RGS6: variants seen among roughly 807,000 people sequenced by gnomAD.
RGS6 encodes regulator of G-protein signaling 6.
RGS6 carries 30 observed loss-of-function variants against 78.5 expected under a neutral mutation model. The ratio of observed to expected loss-of-function variants is 0.38; its 90% CI spans 0.29 to 0.52. The LOEUF (loss-of-function observed/expected upper bound fraction) is 0.52. RGS6 is among the 20% of genes least tolerant of loss of function. The pLI is 0.85. For missense variants in RGS6, 495 were observed against 609.7 expected (o/e 0.81, Z 1.98); for synonymous variants, 206 against 206.0 (o/e 1.00, Z 0.00).
At chr14:72,033,305 C>G (rs968131430) in intron 2 of RGS6, among the ~76,000 whole-genome samples, 1 of 152,180 alleles carries the variant, frequency 6.6e-6, no homozygotes, top group African/African-American at 2.4e-5. Flanking sequence ...GTGATCACAG[C>G]TTGCTGCAGC....
chr14:72,595,230 C>A, the RGS6 span: 1 of 152,092 alleles, frequency 6.6e-6, no homozygotes, highest in Non-Finnish European at 1.5e-5. Flanking sequence ...ATCCCTAGCC[C>A]GATTTTGCTG....
chr14:72,193,448 C>T (rs908047308), intron 2 of RGS6, among the ~76,000 whole-genome samples: 1 of 152,164 alleles, frequency 6.6e-6, no homozygotes, highest in Admixed American at 6.5e-5. Context: ...CCTCAGGAAT[C>T]GGCTTCCATT....
At chr14:72,244,599 T>A (rs534322851) in intron 2 of RGS6, among the ~76,000 whole-genome samples, 51 of 152,290 alleles carry the variant, frequency 3.3e-4, no homozygotes, top group African/African-American at 1.2e-3. Flanking sequence ...CAGGAGCCAC[T>A]TAGTCACAGG....
chr14:72,542,862 C>T (rs990682869), intron 17 of RGS6, among the ~76,000 whole-genome samples: 1 of 152,172 alleles, frequency 6.6e-6, no homozygotes, highest in Admixed American at 6.5e-5. Context: ...TCTGTTAAGA[C>T]CACATATGCC....
intron 2 of RGS6, among the ~76,000 whole-genome samples, chr14:72,037,993 T>C (rs1371210862): frequency 2.5e-5 from 3 of 119,096 alleles, no homozygotes; most frequent in Non-Finnish European, 5.6e-5. Context: ...ATTTTTGAGA[T>C]TGAGGCTCGC....
the RGS6 span, among the ~76,000 whole-genome samples, chr14:71,873,858 A>G: frequency 9.0e-4 from 137 of 152,298 alleles, no homozygotes; most frequent in Non-Finnish European, 1.2e-3. Context: ...CTTTCTACAT[A>G]TGGCTAGCCA....
intron 3 of RGS6, among the ~76,000 whole-genome samples, chr14:72,401,340 C>G (rs2092375070): frequency 6.6e-6 from 1 of 151,824 alleles, no homozygotes; most frequent in Non-Finnish European, 1.5e-5. Flanking sequence ...GCTTGTTTTC[C>G]TGAAAAGCTT....
intron 2 of RGS6, among the ~76,000 whole-genome samples, chr14:72,035,688 G>T (rs1351152984): frequency 5.9e-5 from 9 of 152,094 alleles, no homozygotes; most frequent in African/African-American, 2.2e-4. Context: ...TTTAGCCAAA[G>T]TTTGAGGACA....
intron 2 of RGS6, among the ~76,000 whole-genome samples, chr14:72,097,616 AC>A (rs1483364034): frequency 6.6e-6 from 1 of 152,158 alleles, no homozygotes; most frequent in Non-Finnish European, 1.5e-5. Flanking sequence ...GCTGTAAACT[AC>A]TAGTTTTCAC....
At chr14:72,413,319 G>C (rs1464610007) in intron 3 of RGS6, among the ~76,000 whole-genome samples, 2 of 152,196 alleles carry the variant, frequency 1.3e-5, no homozygotes, top group Non-Finnish European at 2.9e-5. Flanking sequence ...TTAGCATTAT[G>C]TAATAGCCTT....
intron 2 of RGS6, among the ~76,000 whole-genome samples, chr14:72,331,849 G>A (rs1170062827): frequency 6.6e-6 from 1 of 152,124 alleles, no homozygotes; most frequent in Non-Finnish European, 1.5e-5. Context: ...CCAGATGCAT[G>A]CTTCTTTTAC....
chr14:71,872,070 C>T, the RGS6 span, among the ~76,000 whole-genome samples: 61 of 152,298 alleles, frequency 4.0e-4, 1 homozygote, highest in African/African-American at 1.5e-3. Flanking sequence ...AGGGAGCATG[C>T]TGTGGGCAGC....
intron 2 of RGS6, among the ~76,000 whole-genome samples, chr14:72,021,654 T>A (rs2088592766): frequency 6.6e-6 from 1 of 151,642 alleles, no homozygotes; most frequent in Non-Finnish European, 1.5e-5. Context: ...TGTATTTTTA[T>A]AGAGACGGGG....
At chr14:72,600,628 A>C in the RGS6 span, among the ~76,000 whole-genome samples, 1 of 151,956 alleles carries the variant, frequency 6.6e-6, no homozygotes, top group African/African-American at 2.4e-5. Flanking sequence ...AGGAGCCCTG[A>C]AGCCCAGCCA....
At chr14:72,443,114 A>G (rs547421335) in intron 3 of RGS6, among the ~76,000 whole-genome samples, 2 of 152,326 alleles carry the variant, frequency 1.3e-5, no homozygotes, top group African/African-American at 4.8e-5. Flanking sequence ...ATCAGCTCCA[A>G]GACAGCTTCC....
chr14:72,019,132 T>C (rs1187518618), intron 2 of RGS6, among the ~76,000 whole-genome samples: 1 of 152,162 alleles, frequency 6.6e-6, no homozygotes, highest in Admixed American at 6.5e-5. Context: ...ATAGAAACTC[T>C]GTAACTCTTT....
intron 15 of RGS6, among the ~76,000 whole-genome samples, chr14:72,521,306 T>G (rs1345530878): frequency 6.6e-6 from 1 of 152,236 alleles, no homozygotes; most frequent in Non-Finnish European, 1.5e-5. Context: ...AGCAACAGTA[T>G]GATTATCGCC....
At chr14:71,927,595 C>T (rs1196605706), upstream of RGS6, among the ~76,000 whole-genome samples, 1 of 152,150 alleles carries the variant, frequency 6.6e-6, no homozygotes, top group Non-Finnish European at 1.5e-5. Context: ...AAAGTAGATG[C>T]CCTGGTTCCA....
chr14:72,462,886 A>G (rs905156810), intron 6 of RGS6, among the ~76,000 whole-genome samples: 6 of 152,232 alleles, frequency 3.9e-5, no homozygotes, highest in Admixed American at 1.3e-4. Context: ...ATCAGAAAGT[A>G]TGAGGAAAAT....
Sources: gnomAD v4.1 joint callset for allele counts (sites outside exome capture counted in the v4.1 genomes callset) on GRCh38, gnomAD v4.1.1 for gene constraint, MANE v1.5 for transcripts, NCBI Gene and HGNC (gene_info 2026-07-23, HGNC 2026-07-21) for gene names.